Variants in GUCY1A1 observed in about 807,000 individuals in gnomAD.
The protein encoded by GUCY1A1 is guanylate cyclase soluble subunit alpha-1.
In GUCY1A1, 48 loss-of-function variants were observed where a neutral mutation model predicts 64.5. That is an observed-to-expected ratio of 0.74 (90% CI 0.59 to 0.95). The LOEUF (loss-of-function observed/expected upper bound fraction) is 0.95. Among genes scored for constraint, GUCY1A1 ranks in the 40% least tolerant of loss-of-function variants. The pLI is 0.00. For missense variants in GUCY1A1, 804 were observed against 825.3 expected (o/e 0.97, Z 0.32); for synonymous variants, 308 against 303.4 (o/e 1.02, Z -0.16).
At position 155,697,043 on chromosome 4, in the gene GUCY1A1, TTCC is replaced by T; in HGVS notation, c.179_181del (p.Pro60del). On this transcript the variant is annotated inframe_deletion, in exon 3 of 10. Transcript: ENST00000506455. ...CCTGAGAAGAACATACAAGAAAGTCTTCCTCAAAGAAAAACCAGTCGGAGCCGA... is the reference window on the plus strand; with the variant it reads ...CCTGAGAAGAACATACAAGAAAGTCTTCAAAGAAAAACCAGTCGGAGCCGA... The T allele has an allele frequency of 6.2e-7, 1 of 1,613,186 alleles. No individual in the cohort carries two copies. The highest frequency in any genetic ancestry group is 8.5e-7 in the Non-Finnish European group (1 of 1,179,186).
At chr4:155,727,897 A>G (rs1734949143) in intron 9 of GUCY1A1, among the ~76,000 whole-genome samples, 1 of 151,856 alleles carries the variant, frequency 6.6e-6, no homozygotes. Flanking sequence ...AGCTGAGAAT[A>G]TGTACTCTCT....
chr4:155,680,955 A>ACG (rs1476904186), intron 2 of GUCY1A1, among the ~76,000 whole-genome samples: 1 of 151,096 alleles, frequency 6.6e-6, no homozygotes, highest in Non-Finnish European at 1.5e-5. Flanking sequence ...ACATGCACAC[A>ACG]CACACACACA....
In GUCY1A1 at chr4:155,713,244, T is replaced by C; in HGVS notation, c.1233T>C (p.Asp411=). 1.9e-6 allele frequency: 3 copies of C among 1,614,094 alleles called. No individual in the cohort carries two copies. The highest frequency in any genetic ancestry group is 2.5e-6 in the Non-Finnish European group (3 of 1,180,000). Reference sequence around the variant, plus strand: ...TCCCAATTCACAATGCACTGAGGGATGTGGTCTTAATAGGGGAACAAGCCC... The same window carrying C: ...TCCCAATTCACAATGCACTGAGGGACGTGGTCTTAATAGGGGAACAAGCCC... ...SDIPIHNALR[D]VVLIGEQARA... is the part of the protein sequence containing the mutation. The change falls in exon 7 of 10, where the codon GAT becomes GAC. Residue 411 remains aspartate, a synonymous_variant. Coordinates refer to ENST00000506455, the MANE Select transcript of GUCY1A1 (RefSeq NM_001130682.3).
chr4:155,705,046 C>A (rs1731554456), intron 4 of GUCY1A1, among the ~76,000 whole-genome samples: 1 of 152,092 alleles, frequency 6.6e-6, no homozygotes, highest in Non-Finnish European at 1.5e-5. Flanking sequence ...ACCATGCTCA[C>A]CTAATTTTTG....
chr4:155,679,751 A>G (rs1735458113), intron 2 of GUCY1A1, among the ~76,000 whole-genome samples: 1 of 152,220 alleles, frequency 6.6e-6, no homozygotes, highest in Admixed American at 6.5e-5. Flanking sequence ...TAATTTTTGT[A>G]TATGGTATGA....
Position 155,710,790 on chromosome 4 carries a change from A to G in GUCY1A1, c.625A>G (p.Arg209Gly). Residue 209 changes from arginine to glycine, a missense_variant, in exon 6 of 10, where the codon AGA (arginine) becomes GGA (glycine). Coordinates refer to ENST00000506455, the MANE Select transcript of GUCY1A1 (RefSeq NM_001130682.3). ...ACATGTTTACTACTTCTTCCCTAAG[A>G]GAACCACCTCCCTGATTCTTCCCGG... ...FLHVYYFFPKRTTSLILPGII... is the reference protein window; with the variant it reads ...FLHVYYFFPKGTTSLILPGII... The G allele has an allele frequency of 6.2e-7, 1 of 1,614,100 alleles. No homozygotes were observed. The highest frequency in any genetic ancestry group is 8.5e-7 in the Non-Finnish European group (1 of 1,179,958).
chr4:155,712,439 G>A (rs1020141435), intron 6 of GUCY1A1, among the ~76,000 whole-genome samples: 2 of 152,172 alleles, frequency 1.3e-5, no homozygotes, highest in African/African-American at 2.4e-5. Flanking sequence ...TATTTGGGTT[G>A]CTTTTGGCTT....
At chr4:155,683,899 G>A (rs575950180) in intron 2 of GUCY1A1, among the ~76,000 whole-genome samples, 1 of 152,130 alleles carries the variant, frequency 6.6e-6, no homozygotes, top group Non-Finnish European at 1.5e-5. Flanking sequence ...AGAAAGGAGG[G>A]CTTCTCAGCA....
At position 155,696,817 on chromosome 4, in the gene GUCY1A1, A is replaced by T; in HGVS notation, c.-51A>T. ...CTTCTGTTTGTCAGTCTCATATAAG[A>T]ACTACAGCTCATCAGGAGGAGATCG... On this transcript the variant is annotated 5_prime_UTR_variant, in exon 3 of 10. Transcript: ENST00000506455. 6.3e-7 allele frequency: 1 copy of T among 1,575,180 alleles called. No individual in the cohort carries two copies. Among genetic ancestry groups the T allele is most frequent in the East Asian group, 2.2e-5 (1 of 44,620 alleles).
chr4:155,729,524 A>T (rs1017413996), intron 9 of GUCY1A1, among the ~76,000 whole-genome samples: 1 of 151,854 alleles, frequency 6.6e-6, no homozygotes, highest in African/African-American at 2.4e-5. Flanking sequence ...TAAAAATTCT[A>T]TTGAAAGATT....
intron 2 of GUCY1A1, among the ~76,000 whole-genome samples, chr4:155,685,027 C>T (rs889863114): frequency 8.5e-5 from 13 of 152,154 alleles, no homozygotes; most frequent in African/African-American, 3.1e-4. Flanking sequence ...ATGTCAAAAG[C>T]TCCTGGTTTC....
rs1735544892 is a variant in GUCY1A1, at chr4:155,731,507, ACTTTTT to A, written c.*1283_*1288del. ...TCTAAGTATTTTTTCCGGAACTTCA[ACTTTTT>A]CTTTTTGTTTTACATAAACATTTAA... On this transcript the variant is annotated 3_prime_UTR_variant, in exon 10 of 10. Transcript: ENST00000506455. The A allele has an allele frequency of 6.6e-6, 1 of 151,804 alleles. No individual in the cohort carries two copies. The highest frequency in any genetic ancestry group is 1.5e-5 in the Non-Finnish European group (1 of 67,826). The allele number at this position is 151,804 out of a possible 1,614,324, so 9.4% of individuals were successfully genotyped here.
At chr4:155,711,329 A>G (rs1327189470) in intron 6 of GUCY1A1, 78 bp downstream of exon 6, 4 of 704,444 alleles carry the variant, frequency 5.7e-6, no homozygotes, top group East Asian at 5.2e-5. Context: ...GTAAAAATAT[A>G]TGCATCACTT....
chr4:155,696,717 G>T (rs1271105000), intron 2 of GUCY1A1, 39 bp from the exon 3 acceptor site: 4 of 629,306 alleles, frequency 6.4e-6, no homozygotes, highest in African/African-American at 1.8e-5. Flanking sequence ...CGTGCATAAA[G>T]TCACTCCTCT....
intron 2 of GUCY1A1, among the ~76,000 whole-genome samples, chr4:155,690,056 A>G (rs1287308580): frequency 6.6e-6 from 1 of 152,216 alleles, no homozygotes; most frequent in Non-Finnish European, 1.5e-5. Flanking sequence ...TGCTTCCCAA[A>G]ATGAGATTTT....
chr4:155,671,867 T>C (rs1734187990), intron 2 of GUCY1A1, among the ~76,000 whole-genome samples: 1 of 152,156 alleles, frequency 6.6e-6, no homozygotes, highest in Non-Finnish European at 1.5e-5. Context: ...GTCTCATTGT[T>C]ACCAGGGCTT....
At chr4:155,676,294 G>C (rs1210730570) in intron 2 of GUCY1A1, among the ~76,000 whole-genome samples, 4 of 112,144 alleles carry the variant, frequency 3.6e-5, no homozygotes, top group African/African-American at 1.0e-4. Flanking sequence ...GTCCTAAGAA[G>C]AGCTGGTTTT....
rs112800309 is a variant in GUCY1A1, at chr4:155,717,317, A to G, written c.1716+15A>G. 10 of 1,533,610 alleles carry G rather than the reference A, an allele frequency of 6.5e-6. No individual in the cohort carries two copies. The highest frequency in any genetic ancestry group is 7.1e-6 in the Non-Finnish European group (8 of 1,134,330). ...AACCTATCAAGGTAAGGCAGATGAT[A>G]TATTGTCCAAAAGATGTCACAAGAG... On this transcript the variant is annotated intron_variant, in intron 8 of 9. Transcript: ENST00000506455.
intron 2 of GUCY1A1, among the ~76,000 whole-genome samples, chr4:155,674,358 A>C (rs1278206316): frequency 1.3e-5 from 2 of 150,976 alleles, no homozygotes; most frequent in East Asian, 3.9e-4. Flanking sequence ...CATCTAAAAA[A>C]AAAAAAGAAA....
Sources: gnomAD v4.1 joint callset for allele counts (sites outside exome capture counted in the v4.1 genomes callset) on GRCh38, gnomAD v4.1.1 for gene constraint, MANE v1.5 for transcripts, NCBI Gene and HGNC (gene_info 2026-07-23, HGNC 2026-07-21) for gene names.